ADGRL3: variants seen among roughly 807,000 people sequenced by gnomAD.
ADGRL3 encodes the protein adhesion G protein-coupled receptor L3.
Under a neutral mutation model 153.5 loss-of-function variants are expected in ADGRL3, and 62 were observed. The ratio of observed to expected loss-of-function variants is 0.40; its 90% CI spans 0.33 to 0.50. The LOEUF (loss-of-function observed/expected upper bound fraction) is 0.50, where lower values mean the gene tolerates loss of function less well. ADGRL3 is among the 20% of genes least tolerant of loss of function. The pLI is 0.47. For missense variants in ADGRL3, 1,641 were observed against 1,859.4 expected, an observed-to-expected ratio of 0.88 and a Z score of 2.16; for synonymous variants, 710 against 672.5, an observed-to-expected ratio of 1.06 and a Z score of -0.86.
intron 5 of ADGRL3, among the ~76,000 whole-genome samples, chr4:61,606,656 G>A (rs2099033612): frequency 6.6e-6 from 1 of 152,086 alleles, no homozygotes; most frequent in African/African-American, 2.4e-5. Context: ...TCACATTGGA[G>A]GTTAGGGCTT....
intron 1 of ADGRL3, among the ~76,000 whole-genome samples, chr4:61,291,979 A>AT (rs1380014537): frequency 1.3e-5 from 2 of 150,472 alleles, no homozygotes; most frequent in African/African-American, 2.5e-5. Context: ...TTAAACAATG[A>AT]TTTTTTAAAA....
intron 2 of ADGRL3, among the ~76,000 whole-genome samples, chr4:61,459,961 T>C (rs115331305): frequency 0.037 from 5,662 of 152,250 alleles, 121 homozygotes; most frequent in South Asian, 0.091. Context: ...AAGTTCCTTG[T>C]ATATTTGGAT....
intron 8 of ADGRL3, 122 bp downstream of exon 8, chr4:61,733,676 T>C (rs1202818294): frequency 2.8e-6 from 2 of 722,102 alleles, no homozygotes; most frequent in Non-Finnish European, 4.5e-6. Flanking sequence ...TGAAAATTGT[T>C]CTTTGTCTTT....
chr4:62,032,688 T>A (rs1166663142), intron 23 of ADGRL3, among the ~76,000 whole-genome samples: 1 of 151,632 alleles, frequency 6.6e-6, no homozygotes, highest in Admixed American at 6.6e-5. Flanking sequence ...GGATTCTTAG[T>A]TTTAGAGACT....
intron 21 of ADGRL3, among the ~76,000 whole-genome samples, chr4:62,019,442 G>A (rs988200758): frequency 6.6e-5 from 10 of 151,894 alleles, no homozygotes; most frequent in Non-Finnish European, 1.3e-4. Flanking sequence ...GCTGTCATTT[G>A]GCTTAGAATA....
chr4:61,255,459 A>G (rs1438381345), intron 1 of ADGRL3, among the ~76,000 whole-genome samples: 2 of 152,156 alleles, frequency 1.3e-5, no homozygotes, highest in South Asian at 2.1e-4. Flanking sequence ...AACCAGTTGG[A>G]CGTTATCTTC....
At chr4:61,913,951 T>G (rs114709469) in intron 13 of ADGRL3, among the ~76,000 whole-genome samples, 1 of 152,148 alleles carries the variant, frequency 6.6e-6, no homozygotes, top group Non-Finnish European at 1.5e-5. Flanking sequence ...GCTATCCCAT[T>G]TGTAAATTCT....
At chr4:61,895,257 G>C (rs990183607) in intron 10 of ADGRL3, among the ~76,000 whole-genome samples, 7 of 152,256 alleles carry the variant, frequency 4.6e-5, no homozygotes, top group Admixed American at 2.6e-4. Flanking sequence ...CACGAGGTCA[G>C]GAGTTTGAGA....
intron 1 of ADGRL3, among the ~76,000 whole-genome samples, chr4:61,224,913 C>T (rs935327655): frequency 2.0e-5 from 3 of 152,122 alleles, no homozygotes; most frequent in Admixed American, 6.6e-5. Context: ...AGAGGGTCCT[C>T]TTATTTATTG....
chr4:61,590,808 C>T (rs2098966152), intron 5 of ADGRL3, among the ~76,000 whole-genome samples: 1 of 152,040 alleles, frequency 6.6e-6, no homozygotes, highest in Non-Finnish European at 1.5e-5. Flanking sequence ...TTAGTGGAAC[C>T]AGAAGAGACC....
chr4:61,551,049 C>T (rs887087577), intron 4 of ADGRL3, among the ~76,000 whole-genome samples: 3 of 151,976 alleles, frequency 2.0e-5, no homozygotes, highest in African/African-American at 7.2e-5. Context: ...ATATTAATCA[C>T]GTGGTAGCTA....
At chr4:61,472,498 A>G (rs143933960) in intron 2 of ADGRL3, among the ~76,000 whole-genome samples, 2,914 of 152,144 alleles carry the variant, frequency 0.019, 42 homozygotes, top group East Asian at 0.048. Flanking sequence ...GGCCTCTCCC[A>G]GAGTAAACCA....
chr4:61,291,602 A>G (rs1453092678), intron 1 of ADGRL3, among the ~76,000 whole-genome samples: 184 of 8,998 alleles, frequency 0.02, 4 homozygotes, highest in Admixed American at 0.041. Context: ...ATATATATAT[A>G]TACACACACA....
chr4:61,870,740 C>T (rs2098438967), intron 9 of ADGRL3, among the ~76,000 whole-genome samples: 1 of 152,108 alleles, frequency 6.6e-6, no homozygotes, highest in Admixed American at 6.5e-5. Context: ...AACTATAATG[C>T]AATACCACTT....
chr4:61,265,464 G>T (rs2092792634), intron 1 of ADGRL3, among the ~76,000 whole-genome samples: 1 of 151,828 alleles, frequency 6.6e-6, no homozygotes, highest in African/African-American at 2.4e-5. Flanking sequence ...GGACAACTAA[G>T]CGGAGGACAG....
intron 2 of ADGRL3, among the ~76,000 whole-genome samples, chr4:61,475,609 A>G (rs1173003641): frequency 3.7e-5 from 4 of 109,090 alleles, no homozygotes; most frequent in Admixed American, 9.3e-5. Context: ...ATTAATATTC[A>G]TAAAATATAT....
intron 25 of ADGRL3, among the ~76,000 whole-genome samples, chr4:62,049,486 G>A (rs916748216): frequency 1.3e-5 from 2 of 152,102 alleles, no homozygotes; most frequent in Non-Finnish European, 2.9e-5. Context: ...TAGATGTGTG[G>A]CACTTGTTTA....
intron 21 of ADGRL3, 73 bp downstream of exon 21, chr4:61,998,338 C>A: frequency 1.4e-6 from 1 of 710,154 alleles, no homozygotes. Flanking sequence ...TCTATTATAT[C>A]AAAATCTTAT....
chr4:61,949,824 A>C (rs879857129), intron 17 of ADGRL3, among the ~76,000 whole-genome samples: 5 of 152,178 alleles, frequency 3.3e-5, no homozygotes, highest in Admixed American at 3.3e-4. Context: ...ATTATTTGTC[A>C]TTAGAACTAG....
Sources: allele counts gnomAD v4.1 joint callset (sites outside exome capture counted in the v4.1 genomes callset), GRCh38; gene constraint gnomAD v4.1.1; transcripts MANE v1.5; gene names NCBI Gene and HGNC (gene_info 2026-07-23, HGNC 2026-07-21).